The following MRTFA variants were observed in gnomAD, a reference collection of about 807,000 sequenced individuals.
MRTFA encodes myocardin related transcription factor A, also known as myocardin-related transcription factor A.
A neutral mutation model predicts 83.5 loss-of-function variants in MRTFA; 20 were observed. The ratio of observed to expected loss-of-function variants is 0.24; its 90% CI spans 0.17 to 0.35. MRTFA has a LOEUF of 0.35. Among genes scored for constraint, MRTFA ranks in the 10% least tolerant of loss-of-function variants. MRTFA has a pLI of 1.00. For missense variants in MRTFA, 1,200 were observed against 1,224.7 expected (o/e 0.98, Z 0.30); for synonymous variants, 659 against 541.2 (o/e 1.22, Z -3.02).
intron 12 of MRTFA, 112 bp downstream of exon 12, chr22:40,418,262 A>G: frequency 6.7e-7 from 1 of 1,503,636 alleles, no homozygotes; most frequent in Non-Finnish European, 8.8e-7. Context: ...AGATTAAATG[A>G]AGCAAACACA....
chr22:40,584,327 C>G lies in MRTFA; in HGVS notation c.-22+10347G>C, dbSNP rs1011130761. ...AGCCAGGAAAACCCAGACATCATGA[C>G]TCCCAAGTCAGCCTTTCCATACATA... On this transcript the variant is annotated intron_variant, in intron 2 of 14. Transcript: ENST00000355630. Among the ~76,000 whole-genome samples the G allele has an allele frequency of 9.2e-5, 14 of 152,358 alleles. No homozygotes were observed. In the South Asian group the frequency reaches 2.9e-3, roughly 32 times the overall value.
chr22:40,431,297 C>A (rs918573170), intron 6 of MRTFA, 108 bp downstream of exon 6: 6 of 1,076,276 alleles, frequency 5.6e-6, no homozygotes, highest in Non-Finnish European at 8.5e-6. Context: ...TTACCCACTG[C>A]CAACAGAAAT....
At chr22:40,412,071 T>TATGTG in intron 14 of MRTFA, 164 bp from the exon 15 acceptor site, 1 of 505,818 alleles carries the variant, frequency 2.0e-6, no homozygotes, top group Non-Finnish European at 3.2e-6. Context: ...TCTTTAAAAA[T>TATGTG]ATTTGCAAAT....
intron 3 of MRTFA, among the ~76,000 whole-genome samples, chr22:40,474,583 G>T (rs2053962714): frequency 6.6e-6 from 1 of 152,086 alleles, no homozygotes; most frequent in Admixed American, 6.6e-5. Context: ...TTCTTCCTTA[G>T]CTCCTTGTCC....
At chr22:40,421,586 A>C (rs1461986098) in intron 9 of MRTFA, among the ~76,000 whole-genome samples, 1 of 152,322 alleles carries the variant, frequency 6.6e-6, no homozygotes, top group South Asian at 2.1e-4. Context: ...TCACTTGCCC[A>C]AAGTCACAAT....
At chr22:40,413,676 C>A (rs1313694431) in intron 14 of MRTFA, among the ~76,000 whole-genome samples, 3 of 152,154 alleles carry the variant, frequency 2.0e-5, no homozygotes, top group Admixed American at 6.5e-5. Flanking sequence ...ATCTCCTGAC[C>A]TCGTGATTTG....
At chr22:40,486,386 T>C (rs1173931324) in intron 3 of MRTFA, among the ~76,000 whole-genome samples, 3 of 152,254 alleles carry the variant, frequency 2.0e-5, no homozygotes, top group African/African-American at 7.2e-5. Flanking sequence ...GAACATTTTA[T>C]TCAATGAATC....
intron 3 of MRTFA, among the ~76,000 whole-genome samples, chr22:40,511,693 A>C (rs1392453915): frequency 6.6e-6 from 1 of 152,202 alleles, no homozygotes; most frequent in Non-Finnish European, 1.5e-5. Context: ...TGGAAAATAT[A>C]ATCAGAAATT....
chr22:40,558,934 C>T (rs187823195), intron 2 of MRTFA, among the ~76,000 whole-genome samples: 1 of 151,954 alleles, frequency 6.6e-6, no homozygotes, highest in Admixed American at 6.6e-5. Flanking sequence ...TACAGGCACG[C>T]AACACTACAT....
chr22:40,513,940 TA>T (rs1555990293), intron 3 of MRTFA, among the ~76,000 whole-genome samples: 1 of 150,742 alleles, frequency 6.6e-6, no homozygotes, highest in Non-Finnish European at 1.5e-5. Flanking sequence ...CTAGTTAAAG[TA>T]ATAATTTTTT....
intron 3 of MRTFA, among the ~76,000 whole-genome samples, chr22:40,495,500 TGATATCC>T (rs1353927458): frequency 6.7e-6 from 1 of 149,734 alleles, no homozygotes; most frequent in Non-Finnish European, 1.5e-5. Flanking sequence ...GGCTCACACC[TGATATCC>T]CAGCACTTTG....
At chr22:40,536,620 AGC>A (rs2055182212) in intron 3 of MRTFA, among the ~76,000 whole-genome samples, 1 of 72,946 alleles carries the variant, frequency 1.4e-5, no homozygotes, top group Non-Finnish European at 2.7e-5. Context: ...GAAAGTGAGG[AGC>A]GTCTCCGCCC....
At chr22:40,489,971 CAA>C (rs55808950) in intron 3 of MRTFA, among the ~76,000 whole-genome samples, 13 of 105,846 alleles carry the variant, frequency 1.2e-4, no homozygotes, top group East Asian at 2.8e-4. Flanking sequence ...GACTCTGTCG[CAA>C]AAAAAAAAAA....
At chr22:40,524,516 C>T (rs2054928477) in intron 3 of MRTFA, among the ~76,000 whole-genome samples, 1 of 152,144 alleles carries the variant, frequency 6.6e-6, no homozygotes, top group Non-Finnish European at 1.5e-5. Context: ...CTAACACAAA[C>T]ACTGCAAAGA....
At chr22:40,522,647 T>G (rs1247701643) in intron 3 of MRTFA, 1 of 152,272 alleles carries the variant, frequency 6.6e-6, no homozygotes, top group Non-Finnish European at 1.5e-5. Flanking sequence ...TGCCTCCGCC[T>G]CCCGAGTAGC....
chr22:40,444,753 TTGA>T (rs1337275759), intron 4 of MRTFA, among the ~76,000 whole-genome samples: 1 of 151,904 alleles, frequency 6.6e-6, no homozygotes, highest in African/African-American at 2.4e-5. Context: ...TGCTTCTGAC[TTGA>T]TGTTTTATGT....
chr22:40,545,569 A>G (rs1375625974), intron 3 of MRTFA, among the ~76,000 whole-genome samples: 1 of 151,404 alleles, frequency 6.6e-6, no homozygotes, highest in Non-Finnish European at 1.5e-5. Context: ...AGGAGCTGGG[A>G]TTACAGGCGC....
At chr22:40,547,456 A>G (rs559049062) in intron 3 of MRTFA, among the ~76,000 whole-genome samples, 3 of 152,112 alleles carry the variant, frequency 2.0e-5, no homozygotes, top group Non-Finnish European at 4.4e-5. Flanking sequence ...CTTCAATGAA[A>G]GCACAGCAAG....
At chr22:40,428,807 C>T (rs919312101) in intron 7 of MRTFA, among the ~76,000 whole-genome samples, 1 of 152,150 alleles carries the variant, frequency 6.6e-6, no homozygotes, top group Admixed American at 6.5e-5. Context: ...TGGCCTCCCA[C>T]CTCTCATCTT....
Sources: gnomAD v4.1 joint callset for allele counts (sites outside exome capture counted in the v4.1 genomes callset) on GRCh38, gnomAD v4.1.1 for gene constraint, MANE v1.5 for transcripts, NCBI Gene and HGNC (gene_info 2026-07-23, HGNC 2026-07-21) for gene names.